The following PCDH15 variants were observed in gnomAD, a reference collection of about 807,000 sequenced individuals.
The protein encoded by PCDH15 is protocadherin related 15, also known as protocadherin-15.
PCDH15 carries 129 observed loss-of-function variants against 178.5 expected under a neutral mutation model. That is an observed-to-expected ratio of 0.72 (90% CI 0.63 to 0.84). The LOEUF (loss-of-function observed/expected upper bound fraction) is 0.84, where lower values mean the gene tolerates loss of function less well. PCDH15 is among the 40% of genes least tolerant of loss of function. The pLI is 0.00. For missense variants in PCDH15, 2,230 were observed against 2,099.9 expected (o/e 1.06, Z -1.21); for synonymous variants, 800 against 732.0 (o/e 1.09, Z -1.50).
intron 3 of PCDH15, among the ~76,000 whole-genome samples, chr10:54,476,790 A>G (rs562981989): frequency 6.6e-6 from 1 of 152,256 alleles, no homozygotes; most frequent in South Asian, 2.1e-4. Flanking sequence ...GTGGTCATCT[A>G]TGAATGAACA....
At chr10:53,905,210 A>T (rs909730703) in intron 25 of PCDH15, 12 of 518,846 alleles carry the variant, frequency 2.3e-5, no homozygotes, top group African/African-American at 2.3e-4. Flanking sequence ...ACTAAACGTC[A>T]TCTGCTCCCC....
chr10:53,918,696 T>G (rs547973221), intron 25 of PCDH15, among the ~76,000 whole-genome samples: 31 of 150,972 alleles, frequency 2.1e-4, no homozygotes, highest in Non-Finnish European at 3.7e-4. Flanking sequence ...GCCTCTGTCC[T>G]TTAATGCAAA....
intron 2 of PCDH15, among the ~76,000 whole-genome samples, chr10:55,555,566 AAAG>A (rs1317444936): frequency 3.9e-5 from 6 of 152,116 alleles, no homozygotes; most frequent in Admixed American, 3.9e-4. Context: ...TTTTTGACTT[AAAG>A]AAGGAGAAAC....
chr10:55,123,840 A>G (rs745494306), intron 2 of PCDH15, among the ~76,000 whole-genome samples: 6 of 152,142 alleles, frequency 3.9e-5, no homozygotes, highest in Non-Finnish European at 8.8e-5. Context: ...GATATTATTT[A>G]CATTTCTGAA....
At chr10:54,243,224 A>G (rs11004162) in intron 8 of PCDH15, among the ~76,000 whole-genome samples, 8,336 of 152,260 alleles carry the variant, frequency 0.055, 567 homozygotes, top group African/African-American at 0.17. Flanking sequence ...AATTTCTACT[A>G]CATTTAAGGA....
chr10:54,032,936 A>G (rs1451461568), intron 18 of PCDH15, among the ~76,000 whole-genome samples: 1 of 151,948 alleles, frequency 6.6e-6, no homozygotes, highest in Non-Finnish European at 1.5e-5. Context: ...AATCACTTAT[A>G]AAACCATCAG....
chr10:54,383,871 T>C (rs1589142830), intron 3 of PCDH15, among the ~76,000 whole-genome samples: 1 of 151,930 alleles, frequency 6.6e-6, no homozygotes, highest in African/African-American at 2.4e-5. Context: ...CAGGCTGGAG[T>C]GCAGTGGCGC....
At chr10:55,570,736 AG>A in intron 2 of PCDH15, among the ~76,000 whole-genome samples, 1 of 152,196 alleles carries the variant, frequency 6.6e-6, no homozygotes. Flanking sequence ...ATAAAGGCAA[AG>A]TGGAAAATGT....
At chr10:54,240,831 C>A (rs985425747) in intron 8 of PCDH15, among the ~76,000 whole-genome samples, 2 of 151,782 alleles carry the variant, frequency 1.3e-5, no homozygotes, top group Admixed American at 1.3e-4. Context: ...CGGGGTTTCA[C>A]CGTGTTGGCC....
At chr10:54,073,823 TC>T (rs1565188596) in intron 17 of PCDH15, among the ~76,000 whole-genome samples, 1 of 152,232 alleles carries the variant, frequency 6.6e-6, no homozygotes, top group East Asian at 1.9e-4. Context: ...TGATCACTGT[TC>T]GCATATTTAT....
intron 1 of PCDH15, among the ~76,000 whole-genome samples, chr10:55,195,789 A>G (rs548060795): frequency 6.6e-6 from 1 of 152,082 alleles, no homozygotes; most frequent in African/African-American, 2.4e-5. Flanking sequence ...AATGTCATAG[A>G]TGAGATTTGC....
intron 2 of PCDH15, among the ~76,000 whole-genome samples, chr10:55,522,676 C>T (rs1841209101): frequency 6.6e-6 from 1 of 151,702 alleles, no homozygotes; most frequent in African/African-American, 2.4e-5. Flanking sequence ...AATAACATTG[C>T]TAATCCCTTC....
intron 2 of PCDH15, among the ~76,000 whole-genome samples, chr10:55,140,158 T>A (rs1361923871): frequency 6.6e-6 from 1 of 151,946 alleles, no homozygotes. Flanking sequence ...CTCTAGGATA[T>A]TTTTCTTTTC....
At chr10:54,086,676 A>G (rs1048074967) in intron 16 of PCDH15, among the ~76,000 whole-genome samples, 6 of 152,160 alleles carry the variant, frequency 3.9e-5, no homozygotes, top group South Asian at 2.1e-4. Flanking sequence ...AAGTGACCAT[A>G]GGATAGAAGG....
At chr10:54,880,030 T>A (rs1481806111) in intron 3 of PCDH15, among the ~76,000 whole-genome samples, 1 of 152,168 alleles carries the variant, frequency 6.6e-6, no homozygotes, top group Non-Finnish European at 1.5e-5. Context: ...GTTAAATGTG[T>A]GAAGTAGATC....
At chr10:54,702,567 T>C (rs1240152224) in intron 1 of PCDH15, among the ~76,000 whole-genome samples, 5 of 131,032 alleles carry the variant, frequency 3.8e-5, no homozygotes, top group African/African-American at 1.1e-4. Context: ...AACCTTCAAG[T>C]AATATTACAA....
intron 3 of PCDH15, among the ~76,000 whole-genome samples, chr10:54,445,581 G>T (rs2076098863): frequency 6.6e-6 from 1 of 151,502 alleles, no homozygotes; most frequent in East Asian, 1.9e-4. Context: ...GTTGAGTAGG[G>T]TTAAGGATTC....
In PCDH15 at chr10:53,831,488, C is replaced by G; in HGVS notation, c.4029G>C (p.Pro1343=). The G allele has an allele frequency of 6.2e-7, 1 of 1,614,050 alleles. No homozygotes were observed. Among genetic ancestry groups the G allele is most frequent in the Non-Finnish European group, 8.5e-7 (1 of 1,179,974 alleles). Residue 1343 remains proline, a synonymous_variant, in exon 30 of 38, where the codon CCG becomes CCC. Coordinates refer to ENST00000644397, the MANE Select transcript of PCDH15 (RefSeq NM_001384140.1). ...GAATGCGTCCTCCTTCCCCATAATA[C>G]GGCTGAAAGTCTTTATTGATATCAA... is the stretch of plus-strand genomic sequence containing the variant. ...KLLDINKDFQ[P]YYGEGGRILE...
chr10:54,381,222 A>T (rs1484164311), intron 3 of PCDH15, among the ~76,000 whole-genome samples: 1 of 152,140 alleles, frequency 6.6e-6, no homozygotes. Flanking sequence ...GAATTGCCTG[A>T]ACAACTGTGC....
Sources: gnomAD v4.1 joint callset for allele counts (sites outside exome capture counted in the v4.1 genomes callset) on GRCh38, gnomAD v4.1.1 for gene constraint, MANE v1.5 for transcripts, NCBI Gene and HGNC (gene_info 2026-07-23, HGNC 2026-07-21) for gene names.